TMEM108: variants seen among roughly 807,000 people sequenced by gnomAD.
The protein encoded by TMEM108 is cancer/testis antigen 124.
In TMEM108, 12 loss-of-function variants were observed where a neutral mutation model predicts 35.1. The ratio of observed to expected loss-of-function variants is 0.34; its 90% CI spans 0.22 to 0.55. The LOEUF (loss-of-function observed/expected upper bound fraction) is 0.55, where lower values mean the gene tolerates loss of function less well. TMEM108 is among the 20% of genes least tolerant of loss of function. TMEM108 has a pLI of 0.89. For synonymous variants in TMEM108, 287 were observed against 308.6 expected (o/e 0.93, Z 0.73); for missense variants, 680 against 753.3 (o/e 0.90, Z 1.14).
At chr3:133,075,770 C>G (rs1295507928) in intron 2 of TMEM108, among the ~76,000 whole-genome samples, 4 of 152,112 alleles carry the variant, frequency 2.6e-5, no homozygotes, top group Admixed American at 2.6e-4. Context: ...AGATCAGAAG[C>G]TATTTCGCCC....
chr3:133,307,300 A>T (rs955678916), intron 3 of TMEM108, among the ~76,000 whole-genome samples: 10 of 152,064 alleles, frequency 6.6e-5, no homozygotes, highest in Non-Finnish European at 1.0e-4. Flanking sequence ...AGATTGCAAA[A>T]ATTTTCTCCC....
Position 133,381,133 on chromosome 3 carries a change from G to A in TMEM108, c.1422G>A (p.Leu474=). 1 of 1,606,330 alleles carries A rather than the reference G, an allele frequency of 6.2e-7. No homozygotes were observed. The highest frequency in any genetic ancestry group is 1.1e-5 in the South Asian group (1 of 90,460). The change falls in exon 4 of 6, where the codon CTG becomes CTA. Residue 474 remains leucine, a synonymous_variant. Coordinates refer to ENST00000321871, the MANE Select transcript of TMEM108 (RefSeq NM_023943.4). ...LSKMDIAWVI[L]AISVPISSCS... ...AGATGGATATCGCCTGGGTGATCCT[G>A]GCCATCAGCGTGCCCATCTCCTCCT...
intron 3 of TMEM108, among the ~76,000 whole-genome samples, chr3:133,367,037 C>T (rs1309987259): frequency 6.6e-6 from 1 of 152,188 alleles, no homozygotes; most frequent in Non-Finnish European, 1.5e-5. Flanking sequence ...CCCCTAACAA[C>T]CTCCACCTGT....
At chr3:133,087,655 A>G (rs916600699) in intron 2 of TMEM108, among the ~76,000 whole-genome samples, 3 of 152,200 alleles carry the variant, frequency 2.0e-5, no homozygotes, top group African/African-American at 4.8e-5. Context: ...TGTCTCAGGT[A>G]TCCTTCTTGG....
At chr3:133,076,602 T>G (rs1453283167) in intron 2 of TMEM108, among the ~76,000 whole-genome samples, 1 of 152,220 alleles carries the variant, frequency 6.6e-6, no homozygotes, top group African/African-American at 2.4e-5. Context: ...CCTTAAAGTT[T>G]ATGTCCTATA....
chr3:133,176,507 A>G (rs549769523), intron 2 of TMEM108, among the ~76,000 whole-genome samples: 2 of 152,380 alleles, frequency 1.3e-5, no homozygotes, highest in South Asian at 4.1e-4. Context: ...CTCAGGATTC[A>G]GAAACTCAGT....
intron 4 of TMEM108, among the ~76,000 whole-genome samples, chr3:133,382,238 T>C (rs534958307): frequency 6.6e-6 from 1 of 152,198 alleles, no homozygotes; most frequent in Admixed American, 6.5e-5. Flanking sequence ...CAGCCCATTC[T>C]CCTCTGACCC....
At chr3:133,376,821 T>C (rs1576524798) in intron 3 of TMEM108, among the ~76,000 whole-genome samples, 1 of 152,172 alleles carries the variant, frequency 6.6e-6, no homozygotes, top group Admixed American at 6.5e-5. Context: ...CCTGTCTCTG[T>C]CTCTCCTTTT....
intron 2 of TMEM108, among the ~76,000 whole-genome samples, chr3:133,226,989 C>T (rs1208869267): frequency 6.6e-6 from 1 of 151,934 alleles, no homozygotes; most frequent in South Asian, 2.1e-4. Flanking sequence ...TTTTTAAAAC[C>T]ATCAGATCTT....
intron 3 of TMEM108, among the ~76,000 whole-genome samples, chr3:133,292,511 G>A (rs1947086332): frequency 6.6e-6 from 1 of 152,162 alleles, no homozygotes; most frequent in Non-Finnish European, 1.5e-5. Flanking sequence ...CATCATAAGA[G>A]AAATAAACAA....
At chr3:133,384,435 C>T (rs887015587) in intron 4 of TMEM108, among the ~76,000 whole-genome samples, 24 of 122,966 alleles carry the variant, frequency 2.0e-4, no homozygotes, top group Admixed American at 1.5e-3. Context: ...GGAGGGTGTC[C>T]GTTCACCTGC....
At chr3:133,120,242 A>G (rs1216664298) in intron 2 of TMEM108, among the ~76,000 whole-genome samples, 1 of 152,212 alleles carries the variant, frequency 6.6e-6, no homozygotes, top group East Asian at 1.9e-4. Flanking sequence ...TTTAATATCA[A>G]GCAGTCTGTA....
At chr3:133,268,852 A>G (rs575000694) in intron 3 of TMEM108, among the ~76,000 whole-genome samples, 2 of 152,370 alleles carry the variant, frequency 1.3e-5, no homozygotes, top group South Asian at 2.1e-4. Context: ...AAGCTACAAG[A>G]TAATGCACAT....
chr3:133,080,921 A>G (rs1943801642), intron 2 of TMEM108, among the ~76,000 whole-genome samples: 1 of 152,180 alleles, frequency 6.6e-6, no homozygotes, highest in South Asian at 2.1e-4. Flanking sequence ...CTTCCCCTTT[A>G]GCTCCTTAAA....
chr3:133,336,624 G>A (rs1287892813), intron 3 of TMEM108, among the ~76,000 whole-genome samples: 5 of 152,000 alleles, frequency 3.3e-5, no homozygotes, highest in Non-Finnish European at 5.9e-5. Context: ...TCTCAGGTGT[G>A]GTAGCTATGG....
chr3:133,117,430 C>T (rs1273093076), intron 2 of TMEM108, among the ~76,000 whole-genome samples: 2 of 152,148 alleles, frequency 1.3e-5, no homozygotes, highest in Non-Finnish European at 1.5e-5. Flanking sequence ...CAGAACTGCC[C>T]AATGGAAGAC....
intron 2 of TMEM108, among the ~76,000 whole-genome samples, chr3:133,078,178 C>CTGT (rs1559825421): frequency 0.3 from 36,873 of 123,266 alleles, 4,796 homozygotes; most frequent in Admixed American, 0.36. Context: ...CGCGCGCACA[C>CTGT]GTGTGTGTGT....
intron 3 of TMEM108, among the ~76,000 whole-genome samples, chr3:133,356,083 T>A (rs1393923124): frequency 2.0e-5 from 3 of 152,028 alleles, no homozygotes; most frequent in Non-Finnish European, 4.4e-5. Flanking sequence ...CCCTAAAGAC[T>A]TATCCAAAAG....
At chr3:133,242,147 G>C (rs113570159) in intron 3 of TMEM108, among the ~76,000 whole-genome samples, 1 of 152,118 alleles carries the variant, frequency 6.6e-6, no homozygotes, top group Non-Finnish European at 1.5e-5. Flanking sequence ...TCTATCATAA[G>C]CTCATCCCAA....
Sources: allele counts gnomAD v4.1 joint callset (sites outside exome capture counted in the v4.1 genomes callset), GRCh38; gene constraint gnomAD v4.1.1; transcripts MANE v1.5; gene names NCBI Gene and HGNC (gene_info 2026-07-23, HGNC 2026-07-21).